The following SAMTOR variants were observed in gnomAD, a reference collection of about 807,000 sequenced individuals.
SAMTOR encodes S-adenosylmethionine sensor upstream of mTORC1.
At chr7:112,879,628 A>C in the SAMTOR span, among the ~76,000 whole-genome samples, 10 of 152,130 alleles carry the variant, frequency 6.6e-5, no homozygotes, top group East Asian at 1.9e-3. Flanking sequence ...GAATACTTGC[A>C]TTATATTTAT....
the SAMTOR span, among the ~76,000 whole-genome samples, chr7:112,909,642 G>C: frequency 6.6e-6 from 1 of 152,016 alleles, no homozygotes; most frequent in South Asian, 2.1e-4. Flanking sequence ...TAGAAAATCA[G>C]TATTGCAATT....
At chr7:112,822,182 G>A in the SAMTOR span, 1 of 1,613,804 alleles carries the variant, frequency 6.2e-7, no homozygotes, top group Non-Finnish European at 8.5e-7. Flanking sequence ...GGGCTTTCTT[G>A]CAGCAAATCC....
the SAMTOR span, among the ~76,000 whole-genome samples, chr7:112,906,211 C>T: frequency 6.6e-6 from 1 of 152,170 alleles, no homozygotes; most frequent in African/African-American, 2.4e-5. Context: ...GTATAGCCTA[C>T]TACACATCTA....
chr7:112,822,274 T>C, the SAMTOR span: 3 of 1,613,466 alleles, frequency 1.9e-6, no homozygotes, highest in Non-Finnish European at 8.5e-7. Flanking sequence ...AGAGAATCAA[T>C]AGGGTTTTTC....
the SAMTOR span, chr7:112,821,947 A>G: frequency 1.2e-6 from 2 of 1,612,644 alleles, no homozygotes; most frequent in Non-Finnish European, 1.7e-6. Flanking sequence ...TGAGGAATAT[A>G]TAACATTCCT....
At chr7:112,833,319 G>A in the SAMTOR span, among the ~76,000 whole-genome samples, 2 of 152,216 alleles carry the variant, frequency 1.3e-5, no homozygotes, top group East Asian at 3.9e-4. Flanking sequence ...TTGGGCTATG[G>A]TTAAGGAGTT....
the SAMTOR span, among the ~76,000 whole-genome samples, chr7:112,885,461 T>C: frequency 5.5e-4 from 84 of 152,272 alleles, no homozygotes; most frequent in African/African-American, 1.8e-3. Context: ...TTCCACCAGA[T>C]ACCTTAAATC....
At chr7:112,905,768 T>C in the SAMTOR span, among the ~76,000 whole-genome samples, 1 of 151,910 alleles carries the variant, frequency 6.6e-6, no homozygotes, top group Admixed American at 6.6e-5. Flanking sequence ...TGGCAAACAC[T>C]TCCTTAATAT....
At chr7:112,851,092 A>G in the SAMTOR span, among the ~76,000 whole-genome samples, 1 of 152,204 alleles carries the variant, frequency 6.6e-6, no homozygotes, top group Non-Finnish European at 1.5e-5. Context: ...AACAAATGGA[A>G]AAACATCCCA....
the SAMTOR span, among the ~76,000 whole-genome samples, chr7:112,860,982 A>G: frequency 2.0e-5 from 3 of 151,930 alleles, no homozygotes; most frequent in Non-Finnish European, 4.4e-5. Context: ...ACTCTTTGCA[A>G]TAGTGAGGCA....
At chr7:112,881,210 C>T in the SAMTOR span, among the ~76,000 whole-genome samples, 42 of 152,170 alleles carry the variant, frequency 2.8e-4, no homozygotes, top group Non-Finnish European at 4.4e-4. Flanking sequence ...CACCTTGGCC[C>T]CCTCCAGACT....
At chr7:112,926,143 C>G in the SAMTOR span, among the ~76,000 whole-genome samples, 1 of 152,004 alleles carries the variant, frequency 6.6e-6, no homozygotes, top group Admixed American at 6.6e-5. Context: ...AGGCAGAACA[C>G]AAAAAAGCAG....
At chr7:112,847,808 G>C in the SAMTOR span, among the ~76,000 whole-genome samples, 1 of 151,400 alleles carries the variant, frequency 6.6e-6, no homozygotes, top group African/African-American at 2.4e-5. Flanking sequence ...CAACTACAAG[G>C]ACTGTCAACC....
At chr7:112,830,202 C>T in the SAMTOR span, among the ~76,000 whole-genome samples, 1 of 152,102 alleles carries the variant, frequency 6.6e-6, no homozygotes, top group Non-Finnish European at 1.5e-5. Context: ...GGGCTTGTCT[C>T]ATTTGTTTTC....
the SAMTOR span, chr7:112,832,797 C>T: frequency 1.5e-5 from 9 of 598,346 alleles, no homozygotes; most frequent in Non-Finnish European, 2.7e-5. Flanking sequence ...TTACTGACGG[C>T]CCCAATGAGC....
At chr7:112,829,367 T>A in the SAMTOR span, among the ~76,000 whole-genome samples, 1 of 152,184 alleles carries the variant, frequency 6.6e-6, no homozygotes, top group Non-Finnish European at 1.5e-5. Flanking sequence ...TTGATTTTTT[T>A]AAATAATAAA....
the SAMTOR span, among the ~76,000 whole-genome samples, chr7:112,857,381 G>A: frequency 7.4e-5 from 11 of 148,884 alleles, no homozygotes; most frequent in African/African-American, 2.6e-4. Context: ...GTGAGCCACC[G>A]CGCCCGGCCA....
the SAMTOR span, among the ~76,000 whole-genome samples, chr7:112,860,024 G>A: frequency 9.9e-5 from 15 of 152,206 alleles, no homozygotes; most frequent in African/African-American, 2.7e-4. Flanking sequence ...AGTTCCATTC[G>A]TGGTAAGTGC....
the SAMTOR span, among the ~76,000 whole-genome samples, chr7:112,916,375 G>T: frequency 1.3e-5 from 2 of 152,188 alleles, no homozygotes; most frequent in Admixed American, 1.3e-4. Flanking sequence ...CTTGGACATA[G>T]GAGTTAGGTT....
Sources: gnomAD v4.1 joint callset for allele counts (sites outside exome capture counted in the v4.1 genomes callset) on GRCh38, gnomAD v4.1.1 for gene constraint, MANE v1.5 for transcripts, NCBI Gene and HGNC (gene_info 2026-07-23, HGNC 2026-07-21) for gene names.